Variants in STT3A observed in about 807,000 individuals in gnomAD.
The protein encoded by STT3A is dolichyl-diphosphooligosaccharide--protein glycosyltransferase subunit STT3A.
In STT3A, 34 loss-of-function variants were observed where a neutral mutation model predicts 89.2. That is an observed-to-expected ratio of 0.38 (90% CI 0.29 to 0.51). The LOEUF (loss-of-function observed/expected upper bound fraction) is 0.51, where lower values mean the gene tolerates loss of function less well. Ranked by LOEUF, STT3A falls within the 20% of genes least tolerant of loss-of-function variation. STT3A has a pLI of 0.89. For missense variants in STT3A, 555 were observed against 889.5 expected (o/e 0.62, Z 4.78); for synonymous variants, 282 against 310.3 (o/e 0.91, Z 0.96).
intron 11 of STT3A, 126 bp from the exon 12 acceptor site, chr11:125,612,466 C>T: frequency 9.3e-7 from 1 of 1,076,178 alleles, no homozygotes; most frequent in East Asian, 2.6e-5. Context: ...AGTATTTTCT[C>T]TTTCACTTTT....
Position 125,612,773 on chromosome 11 carries a change from T to C in STT3A, c.1365+26T>C, listed in dbSNP as rs750028539. ...GTGAGAAGCAATGTTAAGAGTAGAC[T>C]TGGGAAACTCTGTGTGTGTGTGTGT... On this transcript the variant is annotated intron_variant, in intron 12 of 17. Coordinates refer to ENST00000392708, the MANE Select transcript of STT3A (RefSeq NM_152713.5). 16 of 1,610,378 alleles carry C rather than the reference T, an allele frequency of 9.9e-6. No individual in the cohort carries two copies. The East Asian group carries it at 3.6e-4, about 36-fold the overall frequency.
rs1051714 is a variant in STT3A at position 125,606,426 on chromosome 11, C to A, written c.741C>A (p.Gly247=). 1.2e-6 allele frequency: 2 copies of A among 1,614,070 alleles called. No individual in the cohort carries two copies. Among genetic ancestry groups the A allele is most frequent in the Middle Eastern group, 1.7e-4 (1 of 6,060 alleles). ...YVAYCTVYCL[G]TILSMQISFV... ...CCTACTGTACTGTTTACTGCCTGGGCACTATACTTTCTATGCAGATCTCCT... is the reference window on the plus strand; with the variant it reads ...CCTACTGTACTGTTTACTGCCTGGGAACTATACTTTCTATGCAGATCTCCT... The change falls in exon 8 of 18, where the codon GGC becomes GGA. Residue 247 remains glycine, a synonymous_variant. Transcript: ENST00000392708.
chr11:125,602,172 A>G, intron 3 of STT3A, 131 bp from the exon 4 acceptor site: 1 of 1,080,244 alleles, frequency 9.3e-7, no homozygotes, highest in South Asian at 1.7e-5. Context: ...ATGGTAGTGT[A>G]AAATGATTTT....
In STT3A at chr11:125,606,289, A is replaced by G. The variant is rs372515535; in HGVS notation, c.616-12A>G. On this transcript the variant is annotated splice_polypyrimidine_tract_variant and intron_variant, in intron 7 of 17. Coordinates refer to ENST00000392708, the MANE Select transcript of STT3A (RefSeq NM_152713.5). ...ATACTCAGAGGAACTGTTTTTTTCT[A>G]TTCCATCATAGGTCTCGTCATGGGG... The G allele has an allele frequency of 1.3e-4, 215 of 1,609,082 alleles. No individual in the cohort carries two copies. The highest frequency in any genetic ancestry group is 1.6e-4 in the Non-Finnish European group (192 of 1,178,252).
At chr11:125,595,247 C>G (rs185925502) in intron 1 of STT3A, among the ~76,000 whole-genome samples, 1 of 151,378 alleles carries the variant, frequency 6.6e-6, no homozygotes, top group Admixed American at 6.6e-5. Flanking sequence ...TCCTAGCTCA[C>G]TGCAGCCTCC....
intron 9 of STT3A, among the ~76,000 whole-genome samples, chr11:125,608,774 T>C (rs183600960): frequency 6.6e-6 from 1 of 152,362 alleles, no homozygotes; most frequent in Admixed American, 6.5e-5. Context: ...TTACATTCAA[T>C]CCACTTTTCA....
chr11:125,599,779 G>A (rs1340563239), intron 3 of STT3A, among the ~76,000 whole-genome samples: 2 of 149,296 alleles, frequency 1.3e-5, no homozygotes, highest in Admixed American at 6.7e-5. Context: ...TGCCCAGGCT[G>A]GAGTGCAATG....
In STT3A at chr11:125,602,956, A is replaced by G. The variant is rs1436297105; in HGVS notation, c.417+8A>G. The G allele has an allele frequency of 1.2e-6, 2 of 1,613,770 alleles. No homozygotes were observed. Among genetic ancestry groups the G allele is most frequent in the Non-Finnish European group, 1.7e-6 (2 of 1,179,936 alleles). On this transcript the variant is annotated splice_region_variant and intron_variant, in intron 5 of 17. Coordinates refer to ENST00000392708, the MANE Select transcript of STT3A (RefSeq NM_152713.5). ...CTTACCAAAGAGCTCAAGGTGAAGGATTTGGGGTGACAGGAGGCTTGGGAA... is the reference window on the plus strand; with the variant it reads ...CTTACCAAAGAGCTCAAGGTGAAGGGTTTGGGGTGACAGGAGGCTTGGGAA...
At chr11:125,597,211 T>C (rs1939523276) in intron 3 of STT3A, 92 bp downstream of exon 3, 2 of 1,292,870 alleles carry the variant, frequency 1.5e-6, no homozygotes, top group East Asian at 2.3e-5. Context: ...CTCTCAGTGA[T>C]AGAGATGTGC....
At chr11:125,605,801 A>C (rs1174317505) in intron 7 of STT3A, 66 bp downstream of exon 7, 42 of 1,369,540 alleles carry the variant, frequency 3.1e-5, no homozygotes, top group Non-Finnish European at 4.1e-5. Context: ...ATGGGTACTT[A>C]TTGTTTGACC....
chr11:125,592,280 G>C (rs941687237), upstream of STT3A: 2 of 394,798 alleles, frequency 5.1e-6, no homozygotes, highest in African/African-American at 4.2e-5. Flanking sequence ...CACAGTAAAA[G>C]CTCGAGTCAA....
intron 3 of STT3A, among the ~76,000 whole-genome samples, chr11:125,601,173 A>G (rs547343751): frequency 3.1e-4 from 47 of 152,356 alleles, no homozygotes; most frequent in African/African-American, 1.1e-3. Flanking sequence ...AAGTTTAAAC[A>G]CTGATTAAGA....
Position 125,604,165 on chromosome 11 carries a change from G to A in STT3A, c.426G>A (p.Gly142=), listed in dbSNP as rs1939769729. ...YHLTKELKDA[G]AGLLAAAMIA... is the part of the protein sequence containing the mutation. ...CCCTTTTTTTCTTACAGGATGCAGGGGCTGGGCTTCTTGCTGCTGCCATGA... is the reference window on the plus strand; with the variant it reads ...CCCTTTTTTTCTTACAGGATGCAGGAGCTGGGCTTCTTGCTGCTGCCATGA... The change falls in exon 6 of 18, where the codon GGG becomes GGA. Residue 142 remains glycine, a synonymous_variant. Coordinates refer to ENST00000392708, the MANE Select transcript of STT3A (RefSeq NM_152713.5). 1 of 1,614,014 alleles carries A rather than the reference G, an allele frequency of 6.2e-7. No homozygotes were observed. The highest frequency in any genetic ancestry group is 1.3e-5 in the African/African-American group (1 of 75,000).
chr11:125,614,008 C>CGTATCATTA lies in STT3A; in HGVS notation c.1555-79_1555-78insGTATCATTA. 7.7e-7 allele frequency: 1 copy of CGTATCATTA among 1,295,036 alleles called. No homozygotes were observed. The highest frequency in any genetic ancestry group is 1.8e-5 in the Admixed American group (1 of 56,288). The allele number at this position is 1,295,036 out of a possible 1,614,324, so 80.2% of individuals were successfully genotyped here. On this transcript the variant is annotated intron_variant, in intron 13 of 17. Transcript: ENST00000392708. This position sits in a 1 kb window ranked among gnomAD's most constrained non-coding sequence, Gnocchi z 4.9. ...TAGCCAGGTGTCACTTCTGTCAGAC[C>CGTATCATTA]AAAGATGCCTTCTCTGTTGCATTTG... is the stretch of plus-strand genomic sequence containing the variant.
chr11:125,603,076 G>A (rs1939732145), intron 5 of STT3A, 128 bp downstream of exon 5: 12 of 1,159,348 alleles, frequency 1.0e-5, no homozygotes, highest in Middle Eastern at 2.8e-4. Context: ...CTTTTACTGG[G>A]CCAAATTAAT....
intron 9 of STT3A, among the ~76,000 whole-genome samples, 172 bp from the exon 10 acceptor site, chr11:125,609,262 G>C (rs1939928748): frequency 6.6e-6 from 1 of 152,154 alleles, no homozygotes; most frequent in African/African-American, 2.4e-5. Flanking sequence ...AGTACTCTCA[G>C]GTTTGAAAGA....
intron 1 of STT3A, among the ~76,000 whole-genome samples, chr11:125,594,582 CAAAAA>C (rs34558992): frequency 1.4e-4 from 13 of 92,330 alleles, no homozygotes; most frequent in Admixed American, 8.8e-4. Context: ...GACTCCGTCT[CAAAAA>C]AAAAAAAAAA....
chr11:125,597,647 A>G lies in STT3A; in HGVS notation c.149+528A>G, dbSNP rs373199473. 2.0e-5 allele frequency among the ~76,000 whole-genome samples: 3 copies of G among 152,216 alleles called. No individual in the cohort carries two copies. The East Asian group carries it at 5.8e-4, about 29-fold the overall frequency. ...ATCACAAACAATGGACTTGAGATTCATGACATTTTGCTGTTTGTTTGTTTG... is the reference window on the plus strand; with the variant it reads ...ATCACAAACAATGGACTTGAGATTCGTGACATTTTGCTGTTTGTTTGTTTG... On this transcript the variant is annotated intron_variant, in intron 3 of 17. Coordinates refer to ENST00000392708, the MANE Select transcript of STT3A (RefSeq NM_152713.5).
intron 17 of STT3A, among the ~76,000 whole-genome samples, 161 bp from the exon 18 acceptor site, chr11:125,620,609 CAG>C (rs1828764713): frequency 6.6e-6 from 1 of 152,146 alleles, no homozygotes. Context: ...AAAGGCTAAG[CAG>C]AGAGAATCTA....
Sources: allele counts gnomAD v4.1 joint callset (sites outside exome capture counted in the v4.1 genomes callset), GRCh38; gene constraint gnomAD v4.1.1; non-coding constraint Gnocchi (gnomAD v3.1); transcripts MANE v1.5; gene names NCBI Gene and HGNC (gene_info 2026-07-23, HGNC 2026-07-21).